ARFIP1: variants seen among roughly 807,000 people sequenced by gnomAD.
The protein encoded by ARFIP1 is arfaptin-1.
A neutral mutation model predicts 42.5 loss-of-function variants in ARFIP1; 24 were observed. The observed-to-expected ratio is 0.57, with a 90% CI of 0.41 to 0.80. The LOEUF (loss-of-function observed/expected upper bound fraction) is 0.80. Ranked by LOEUF, ARFIP1 falls within the 30% of genes least tolerant of loss-of-function variation. The pLI, the probability that ARFIP1 is intolerant of heterozygous loss-of-function variation, is 0.00. For missense variants in ARFIP1, 354 were observed against 434.0 expected (o/e 0.82, Z 1.64); for synonymous variants, 141 against 153.7 (o/e 0.92, Z 0.61).
At chr4:152,809,193 A>G (rs1249681409) in intron 1 of ARFIP1, among the ~76,000 whole-genome samples, 1 of 152,206 alleles carries the variant, frequency 6.6e-6, no homozygotes, top group African/African-American at 2.4e-5. Context: ...TATATAGGGC[A>G]TGCTTATAGC....
In ARFIP1 at chr4:152,829,724, AG is replaced by A; in HGVS notation, c.93+1del. The A allele has an allele frequency of 6.2e-7, 1 of 1,600,878 alleles. No individual in the cohort carries two copies. Among genetic ancestry groups the A allele is most frequent in the Non-Finnish European group, 8.5e-7 (1 of 1,172,312 alleles). Reference protein sequence around the residue: ...VDDSREHSFNRDLKHSLPSGL... With the variant: ...VDDSREHSFNXDLKHSLPSGL... Reference sequence around the variant, plus strand: ...TGACTCTCGTGAACATAGCTTTAATAGGGTAAGAACACTTTTCTTTCTCTTA... The same window carrying A: ...TGACTCTCGTGAACATAGCTTTAATAGGTAAGAACACTTTTCTTTCTCTTA... On this transcript the variant is annotated frameshift_variant and splice_region_variant, in exon 2 of 9. Transcript: ENST00000353617. LOFTEE classifies it high-confidence loss of function.
At chr4:152,904,339 G>T (rs1195548950) in intron 8 of ARFIP1, among the ~76,000 whole-genome samples, 1 of 151,560 alleles carries the variant, frequency 6.6e-6, no homozygotes, top group Non-Finnish European at 1.5e-5. Context: ...CTACAGGTGC[G>T]TGCCACCACG....
At chr4:152,793,239 C>G (rs192165133) in intron 1 of ARFIP1, among the ~76,000 whole-genome samples, 76 of 149,946 alleles carry the variant, frequency 5.1e-4, no homozygotes, top group African/African-American at 1.9e-3. Context: ...TGAAGTGGAT[C>G]AGAGCACTTA....
At position 152,912,094 on chromosome 4, in the gene ARFIP1, C is replaced by G. The variant is rs1205804815; in HGVS notation, c.*1875C>G. ...AGAGCTGAACATGTCCATTCTTAAC[C>G]ACATTTCAATAACAGTTACTGTAGC... On this transcript the variant is annotated 3_prime_UTR_variant, in exon 9 of 9. Transcript: ENST00000353617. 1.3e-5 allele frequency: 2 copies of G among 152,036 alleles called. No individual in the cohort carries two copies. Among genetic ancestry groups the G allele is most frequent in the Non-Finnish European group, 2.9e-5 (2 of 67,976 alleles). 9.4% of individuals were successfully genotyped at this position (152,036 alleles called of 1,614,324 possible).
At chr4:152,889,654 G>T in intron 8 of ARFIP1, among the ~76,000 whole-genome samples, 1 of 122,336 alleles carries the variant, frequency 8.2e-6, no homozygotes, top group South Asian at 2.4e-4. Flanking sequence ...ACTATATATA[G>T]TATATATACA....
chr4:152,814,514 A>G (rs577573366), intron 1 of ARFIP1, among the ~76,000 whole-genome samples: 3 of 152,240 alleles, frequency 2.0e-5, no homozygotes, highest in African/African-American at 7.2e-5. Context: ...GTTTGAGACC[A>G]GCCTGGGCAA....
intron 5 of ARFIP1, among the ~76,000 whole-genome samples, chr4:152,873,262 A>G (rs1293408772): frequency 2.0e-5 from 3 of 152,190 alleles, no homozygotes; most frequent in Non-Finnish European, 4.4e-5. Context: ...TTCTCCCTAT[A>G]TTCGTGAACT....
intron 1 of ARFIP1, among the ~76,000 whole-genome samples, chr4:152,811,429 C>T (rs1578849249): frequency 6.6e-6 from 1 of 152,146 alleles, no homozygotes; most frequent in Admixed American, 6.5e-5. Flanking sequence ...GAAGAGAGAT[C>T]ATTTGAGCTG....
chr4:152,890,650 C>T (rs766365021), intron 8 of ARFIP1, among the ~76,000 whole-genome samples: 7 of 152,020 alleles, frequency 4.6e-5, no homozygotes, highest in African/African-American at 1.2e-4. Flanking sequence ...GTGGCCTGAA[C>T]GGGGTAAGGG....
At chr4:152,798,809 A>T (rs1470785878) in intron 1 of ARFIP1, among the ~76,000 whole-genome samples, 1 of 152,272 alleles carries the variant, frequency 6.6e-6, no homozygotes, top group African/African-American at 2.4e-5. Context: ...AGTGCCTAGC[A>T]GAATTCTTCA....
chr4:152,829,783 G>C, intron 2 of ARFIP1, 57 bp downstream of exon 2: 1 of 1,336,538 alleles, frequency 7.5e-7, no homozygotes, highest in South Asian at 1.5e-5. Flanking sequence ...TTTAAATGTT[G>C]AGATGAAAGT....
chr4:152,802,956 T>C (rs1001598764), intron 1 of ARFIP1, among the ~76,000 whole-genome samples: 1 of 152,172 alleles, frequency 6.6e-6, no homozygotes, highest in Non-Finnish European at 1.5e-5. Context: ...AAAAAGTACA[T>C]TGACTTTTAA....
chr4:152,815,383 A>G (rs932268497), intron 1 of ARFIP1, among the ~76,000 whole-genome samples: 12 of 152,124 alleles, frequency 7.9e-5, no homozygotes, highest in Admixed American at 7.2e-4. Flanking sequence ...GTTCTAGGTG[A>G]TCTCATCCAG....
chr4:152,844,832 T>C (rs1445022486), intron 2 of ARFIP1, among the ~76,000 whole-genome samples: 3 of 152,162 alleles, frequency 2.0e-5, no homozygotes, highest in African/African-American at 7.2e-5. Flanking sequence ...AAACTGCCAG[T>C]ATCATTTTTT....
In ARFIP1 at chr4:152,881,284, G is replaced by A. The variant is rs1735827706; in HGVS notation, c.633+100G>A. 5 of 916,090 alleles carry A rather than the reference G, an allele frequency of 5.5e-6. 1 individual carries two copies. Among genetic ancestry groups the A allele is most frequent in the South Asian group, 3.7e-5 (2 of 53,938 alleles). 56.7% of individuals were successfully genotyped at this position (916,090 alleles called of 1,614,324 possible). ...TGTGATTTGCTGAACTCTTAATGAA[G>A]ATGGAATTCTGAGATTCTCTTTTAA... On this transcript the variant is annotated intron_variant, in intron 6 of 8. Transcript: ENST00000353617.
chr4:152,815,389 T>C (rs13109533), intron 1 of ARFIP1, among the ~76,000 whole-genome samples: 49,225 of 152,018 alleles, frequency 0.32, 8,288 homozygotes, highest in Middle Eastern at 0.41. Context: ...GGTGATCTCA[T>C]CCAGTCAGAG....
At chr4:152,859,051 CTTTT>C in intron 2 of ARFIP1, among the ~76,000 whole-genome samples, 1 of 152,116 alleles carries the variant, frequency 6.6e-6, no homozygotes, top group South Asian at 2.1e-4. Flanking sequence ...GTTTATCTCT[CTTTT>C]TTGTTTTTTG....
chr4:152,802,762 A>G (rs1578827751), intron 1 of ARFIP1, among the ~76,000 whole-genome samples: 1 of 152,198 alleles, frequency 6.6e-6, no homozygotes, highest in South Asian at 2.1e-4. Context: ...AATGTAATGA[A>G]TAGCAGGAAA....
chr4:152,842,059 A>G (rs1732132902), intron 2 of ARFIP1, among the ~76,000 whole-genome samples: 1 of 152,176 alleles, frequency 6.6e-6, no homozygotes, highest in African/African-American at 2.4e-5. Context: ...CCCTAAGCCT[A>G]GCTGGGAAGG....
Sources: allele counts gnomAD v4.1 joint callset (sites outside exome capture counted in the v4.1 genomes callset), GRCh38; gene constraint gnomAD v4.1.1; transcripts MANE v1.5; gene names NCBI Gene and HGNC (gene_info 2026-07-23, HGNC 2026-07-21).